STAU1: variants seen among roughly 807,000 people sequenced by gnomAD.
STAU1 encodes the protein double-stranded RNA-binding protein Staufen homolog 1.
Under a neutral mutation model 62.9 loss-of-function variants are expected in STAU1, and 13 were observed. The observed-to-expected ratio is 0.21, with a 90% CI of 0.13 to 0.33. STAU1 has a LOEUF of 0.33. Among genes scored for constraint, STAU1 ranks in the 10% least tolerant of loss-of-function variants. The pLI is 1.00. For missense variants in STAU1, 571 were observed against 712.1 expected (o/e 0.80, Z 2.25); for synonymous variants, 269 against 265.1 (o/e 1.01, Z -0.14).
At chr20:49,201,436 C>T in the STAU1 span, among the ~76,000 whole-genome samples, 1 of 152,134 alleles carries the variant, frequency 6.6e-6, no homozygotes, top group South Asian at 2.1e-4. Flanking sequence ...GTAAATTTGT[C>T]TCTCACAAAA....
At chr20:49,147,621 G>C (rs1032585518) in intron 5 of STAU1, among the ~76,000 whole-genome samples, 1 of 152,160 alleles carries the variant, frequency 6.6e-6, no homozygotes, top group African/African-American at 2.4e-5. Context: ...TCCACTTCTA[G>C]GACCGTGGAC....
rs1042109406 is a variant in STAU1, at chr20:49,184,136, G to A, written c.-160+3980C>T. ...AGTAGAGACAGGGTTTCGCCATGCT[G>A]GCCAGGCTGGTCTCCAACTCCTGAC... On this transcript the variant is annotated intron_variant, in intron 1 of 13. Coordinates refer to ENST00000371856, the MANE Select transcript of STAU1 (RefSeq NM_017453.4). 1.7e-4 allele frequency among the ~76,000 whole-genome samples: 26 copies of A among 152,114 alleles called. No individual in the cohort carries two copies. The East Asian group carries it at 4.8e-3, about 28-fold the overall frequency.
chr20:49,134,409 C>T lies in STAU1; in HGVS notation c.609+1424G>A, dbSNP rs1362200545. On this transcript the variant is annotated intron_variant, in intron 6 of 13. Coordinates refer to ENST00000371856, the MANE Select transcript of STAU1 (RefSeq NM_017453.4). ...ACACACCATTGCACTACAGCCTGGGCGACAAGAGTGAAACTCATCTCAGGG... is the reference window on the plus strand; with the variant it reads ...ACACACCATTGCACTACAGCCTGGGTGACAAGAGTGAAACTCATCTCAGGG... 15 of 493,596 alleles carry T rather than the reference C, an allele frequency of 3.0e-5. 2 individuals are homozygous for T. The highest frequency in any genetic ancestry group is 1.3e-4 in the East Asian group (3 of 23,566). The allele number at this position is 493,596 out of a possible 1,614,324, so 30.6% of individuals were successfully genotyped here.
chr20:49,117,765 C>T lies in STAU1; in HGVS notation c.1509+12G>A, dbSNP rs745986618. On this transcript the variant is annotated intron_variant, in intron 11 of 13. Transcript: ENST00000371856. This position sits in a 1 kb window ranked among gnomAD's most constrained non-coding sequence, Gnocchi z 4.6. ...TGAGGCACAGCCATCACAGCTCAGG[C>T]CAGACAGTTACCTGGAATCCCTGGA... 1.9e-6 allele frequency: 3 copies of T among 1,597,464 alleles called. No individual in the cohort carries two copies. Among genetic ancestry groups the T allele is most frequent in the Middle Eastern group, 1.7e-4 (1 of 5,902 alleles).
intron 13 of STAU1, among the ~76,000 whole-genome samples, chr20:49,115,359 G>C (rs907124890): frequency 2.0e-5 from 3 of 152,026 alleles, no homozygotes; most frequent in African/African-American, 7.2e-5. Context: ...GGAGTGCAGT[G>C]GCGCTATGTC....
At chr20:49,175,897 C>A (rs1052937048) in intron 1 of STAU1, among the ~76,000 whole-genome samples, 22 of 149,194 alleles carry the variant, frequency 1.5e-4, no homozygotes, top group Admixed American at 2.7e-4. Context: ...AGGGTTCACG[C>A]CATTCTCCTG....
chr20:49,127,629 C>T (rs2092658274), intron 6 of STAU1, among the ~76,000 whole-genome samples: 1 of 152,138 alleles, frequency 6.6e-6, no homozygotes, highest in Admixed American at 6.5e-5. Context: ...ATGCTTGAAC[C>T]CCAGAGGCGG....
At chr20:49,156,068 T>C (rs2093352496) in intron 3 of STAU1, among the ~76,000 whole-genome samples, 1 of 152,204 alleles carries the variant, frequency 6.6e-6, no homozygotes, top group Non-Finnish European at 1.5e-5. Flanking sequence ...ACCTGCTGGC[T>C]TGTATTTAAG....
intron 13 of STAU1, among the ~76,000 whole-genome samples, chr20:49,115,186 G>A (rs1312920335): frequency 6.6e-6 from 1 of 152,100 alleles, no homozygotes; most frequent in Non-Finnish European, 1.5e-5. Context: ...GTGATCTATG[G>A]GGGAGGCGGT....
At chr20:49,206,816 C>T in the STAU1 span, among the ~76,000 whole-genome samples, 39 of 144,612 alleles carry the variant, frequency 2.7e-4, no homozygotes, top group Non-Finnish European at 4.6e-4. Context: ...AGTGCAGTGG[C>T]ATGATCTCAG....
chr20:49,175,497 T>C (rs78759696), intron 1 of STAU1, among the ~76,000 whole-genome samples: 3 of 152,114 alleles, frequency 2.0e-5, no homozygotes, highest in Non-Finnish European at 4.4e-5. Flanking sequence ...GGTTTTTTTT[T>C]GAGATGGAGT....
At chr20:49,145,323 C>T (rs1332994298) in intron 5 of STAU1, among the ~76,000 whole-genome samples, 1 of 143,432 alleles carries the variant, frequency 7.0e-6, no homozygotes, top group African/African-American at 2.6e-5. Flanking sequence ...ACTTGGGAGG[C>T]TGAGGCAGAA....
Position 49,180,416 on chromosome 20 carries a change from C to T in STAU1, c.-159-6147G>A, listed in dbSNP as rs140375139. ...TCAGGTCACTGCAAACTCCACCTCC[C>T]GGGTTCAAGCCATTCTCCTGCCTCA... On this transcript the variant is annotated intron_variant, in intron 1 of 13. Transcript: ENST00000371856. Among the ~76,000 whole-genome samples, 288 of 152,086 alleles carry T rather than the reference C, an allele frequency of 1.9e-3. 4 individuals are homozygous for T. The highest frequency in any genetic ancestry group is 6.8e-3 in the Middle Eastern group (2 of 294).
At chr20:49,171,999 C>T (rs1040024316) in intron 2 of STAU1, among the ~76,000 whole-genome samples, 1 of 151,566 alleles carries the variant, frequency 6.6e-6, no homozygotes, top group Non-Finnish European at 1.5e-5. Context: ...AGGAGGCACA[C>T]TCACTTGCAA....
the STAU1 span, among the ~76,000 whole-genome samples, chr20:49,218,871 G>A: frequency 2.6e-5 from 4 of 151,606 alleles, no homozygotes; most frequent in Admixed American, 2.0e-4. Context: ...GTGAAACTCC[G>A]CCGGGCGTGG....
chr20:49,195,535 C>CAAAA, the STAU1 span, among the ~76,000 whole-genome samples: 937 of 38,106 alleles, frequency 0.025, 231 homozygotes, highest in South Asian at 0.041. Context: ...GACTCCGTCT[C>CAAAA]AAAAAAAAAA....
At chr20:49,123,804 G>A (rs973044068) in intron 7 of STAU1, among the ~76,000 whole-genome samples, 1 of 152,180 alleles carries the variant, frequency 6.6e-6, no homozygotes, top group Non-Finnish European at 1.5e-5. Flanking sequence ...TTTTATGTAA[G>A]AAAAATTTGG....
chr20:49,142,778 A>G (rs548946492), intron 5 of STAU1, among the ~76,000 whole-genome samples: 1 of 152,348 alleles, frequency 6.6e-6, no homozygotes, highest in East Asian at 1.9e-4. Flanking sequence ...AACATATTTG[A>G]AAATGAAATT....
At chr20:49,196,788 A>G in the STAU1 span, among the ~76,000 whole-genome samples, 1 of 150,808 alleles carries the variant, frequency 6.6e-6, no homozygotes, top group African/African-American at 2.4e-5. Flanking sequence ...AAAAAAGAAA[A>G]AAAAAAAAAA....
Sources: allele counts gnomAD v4.1 joint callset (sites outside exome capture counted in the v4.1 genomes callset), GRCh38; gene constraint gnomAD v4.1.1; non-coding constraint Gnocchi (gnomAD v3.1); transcripts MANE v1.5; gene names NCBI Gene and HGNC (gene_info 2026-07-23, HGNC 2026-07-21).